PTPRD: variants seen among roughly 807,000 people sequenced by gnomAD.
PTPRD encodes protein tyrosine phosphatase receptor type D, also known as receptor-type tyrosine-protein phosphatase delta.
A neutral mutation model predicts 214.5 loss-of-function variants in PTPRD; 34 were observed. That is an observed-to-expected ratio of 0.16 (90% confidence interval 0.12 to 0.21). The LOEUF (loss-of-function observed/expected upper bound fraction) is 0.21. Among genes scored for constraint, PTPRD ranks in the 10% least tolerant of loss-of-function variants. PTPRD has a pLI of 1.00. For missense variants in PTPRD, 2,545 were observed against 2,398.7 expected (o/e 1.06, Z -1.27); for synonymous variants, 1,128 against 845.7 (o/e 1.33, Z -5.79).
At chr9:9,501,430 CAT>C (rs2096409831) in intron 8 of PTPRD, among the ~76,000 whole-genome samples, 1 of 151,776 alleles carries the variant, frequency 6.6e-6, no homozygotes, top group Admixed American at 6.6e-5. Context: ...ACATAACAAT[CAT>C]ATATGTGTAT....
At chr9:8,941,997 G>A (rs1262137368) in intron 11 of PTPRD, among the ~76,000 whole-genome samples, 1 of 152,076 alleles carries the variant, frequency 6.6e-6, no homozygotes. Context: ...CTAGAGATGG[G>A]GTTTCACCAT....
intron 2 of PTPRD, among the ~76,000 whole-genome samples, chr9:10,608,358 G>A (rs2080047111): frequency 6.6e-6 from 1 of 151,898 alleles, no homozygotes; most frequent in Admixed American, 6.6e-5. Context: ...AGAGAAACTT[G>A]AGTCCACCTC....
At chr9:8,388,894 C>T (rs150845211) in intron 37 of PTPRD, among the ~76,000 whole-genome samples, 8 of 152,012 alleles carry the variant, frequency 5.3e-5, no homozygotes, top group African/African-American at 1.7e-4. Context: ...CCCCAAAGCC[C>T]GTAGGTTCTT....
intron 3 of PTPRD, among the ~76,000 whole-genome samples, chr9:10,280,147 G>A (rs1037170606): frequency 6.6e-6 from 1 of 151,276 alleles, no homozygotes; most frequent in African/African-American, 2.5e-5. Context: ...AGCTTGAAAA[G>A]CCTAGATTTT....
At chr9:10,509,470 C>T (rs867130788) in intron 2 of PTPRD, among the ~76,000 whole-genome samples, 3 of 138,120 alleles carry the variant, frequency 2.2e-5, no homozygotes, top group East Asian at 2.1e-4. Flanking sequence ...TTGATTGATC[C>T]ATCTATCTAT....
At chr9:10,411,787 G>T (rs951814384) in intron 2 of PTPRD, among the ~76,000 whole-genome samples, 35 of 151,656 alleles carry the variant, frequency 2.3e-4, no homozygotes, top group African/African-American at 8.2e-4. Context: ...AGGTAAAAAA[G>T]CTGAAAATTA....
chr9:9,654,315 T>TA (rs766046174), intron 7 of PTPRD, among the ~76,000 whole-genome samples: 64 of 152,276 alleles, frequency 4.2e-4, no homozygotes, highest in African/African-American at 1.5e-3. Context: ...ACTCTTCTTA[T>TA]AAAAAGTTTA....
intron 3 of PTPRD, among the ~76,000 whole-genome samples, chr9:10,148,953 T>A (rs540004655): frequency 6.6e-6 from 1 of 152,188 alleles, no homozygotes; most frequent in East Asian, 1.9e-4. Context: ...TAGCAGAGAG[T>A]GTGATATGTG....
intron 35 of PTPRD, among the ~76,000 whole-genome samples, chr9:8,430,665 C>G (rs2094984418): frequency 6.6e-6 from 1 of 152,072 alleles, no homozygotes; most frequent in African/African-American, 2.4e-5. Context: ...ACCTATAATT[C>G]TACATTTCTA....
intron 10 of PTPRD, among the ~76,000 whole-genome samples, chr9:9,099,452 A>G (rs1422734514): frequency 6.6e-6 from 1 of 152,156 alleles, no homozygotes; most frequent in Non-Finnish European, 1.5e-5. Flanking sequence ...CTTAGGATTT[A>G]GAGATTATTT....
chr9:10,220,368 T>C (rs1554880657), intron 3 of PTPRD, among the ~76,000 whole-genome samples: 1 of 151,950 alleles, frequency 6.6e-6, no homozygotes, highest in Non-Finnish European at 1.5e-5. Flanking sequence ...TTTCATAGAT[T>C]CAGAAACTGA....
intron 9 of PTPRD, among the ~76,000 whole-genome samples, chr9:9,224,554 G>A (rs972799946): frequency 1.3e-5 from 2 of 151,890 alleles, no homozygotes; most frequent in African/African-American, 4.8e-5. Flanking sequence ...ATAGTCTACA[G>A]TGAAAATTGG....
intron 11 of PTPRD, among the ~76,000 whole-genome samples, chr9:9,010,105 G>A (rs10977442): frequency 0.021 from 3,272 of 152,238 alleles, 56 homozygotes; most frequent in Non-Finnish European, 0.032. Flanking sequence ...CAAGATTTCA[G>A]CAATTCCTCC....
intron 42 of PTPRD, among the ~76,000 whole-genome samples, 157 bp downstream of exon 42, chr9:8,340,186 A>C (rs1449500957): frequency 6.6e-6 from 1 of 152,208 alleles, no homozygotes; most frequent in Non-Finnish European, 1.5e-5. Flanking sequence ...GTGGCTTTAC[A>C]AATTTAGAAA....
At chr9:9,974,857 G>A (rs781112309) in intron 4 of PTPRD, among the ~76,000 whole-genome samples, 1 of 152,150 alleles carries the variant, frequency 6.6e-6, no homozygotes, top group Non-Finnish European at 1.5e-5. Flanking sequence ...TGCAGTGAGT[G>A]AGAACTTGCT....
intron 8 of PTPRD, among the ~76,000 whole-genome samples, chr9:9,403,503 C>T (rs1010183591): frequency 2.0e-5 from 3 of 151,554 alleles, no homozygotes; most frequent in Non-Finnish European, 4.4e-5. Context: ...TAATCACTCT[C>T]CACACCTCCA....
At chr9:9,479,849 C>A (rs1315421957) in intron 8 of PTPRD, among the ~76,000 whole-genome samples, 1 of 152,064 alleles carries the variant, frequency 6.6e-6, no homozygotes, top group Non-Finnish European at 1.5e-5. Context: ...AGTATAATGT[C>A]AATTTTCTAA....
intron 2 of PTPRD, among the ~76,000 whole-genome samples, chr9:10,585,288 T>G (rs1398965364): frequency 6.6e-6 from 1 of 152,076 alleles, no homozygotes; most frequent in Non-Finnish European, 1.5e-5. Context: ...TCTTGGATAT[T>G]TGCTATTTGT....
chr9:10,044,372 T>C (rs971623399), intron 3 of PTPRD, among the ~76,000 whole-genome samples: 4 of 151,800 alleles, frequency 2.6e-5, no homozygotes, highest in Non-Finnish European at 4.4e-5. Context: ...GCCTTTGTTC[T>C]GATTTACTGT....
Sources: allele counts gnomAD v4.1 joint callset (sites outside exome capture counted in the v4.1 genomes callset), GRCh38; gene constraint gnomAD v4.1.1; transcripts MANE v1.5; gene names NCBI Gene and HGNC (gene_info 2026-07-23, HGNC 2026-07-21).